The following SGCD variants were observed in gnomAD, a reference collection of about 807,000 sequenced individuals.
SGCD encodes delta-sarcoglycan.
SGCD carries 18 observed loss-of-function variants against 36.6 expected under a neutral mutation model. That is an observed-to-expected ratio of 0.49 (90% CI 0.34 to 0.73). The LOEUF (loss-of-function observed/expected upper bound fraction) is 0.73, where lower values mean the gene tolerates loss of function less well. Ranked by LOEUF, SGCD falls within the 30% of genes least tolerant of loss-of-function variation. SGCD has a pLI of 0.01. For missense variants in SGCD, 387 were observed against 346.7 expected (o/e 1.12, Z -0.92); for synonymous variants, 133 against 130.6 (o/e 1.02, Z -0.12).
chr5:156,228,704 T>C (rs1764920018), intron 3 of SGCD, among the ~76,000 whole-genome samples: 1 of 152,110 alleles, frequency 6.6e-6, no homozygotes, highest in South Asian at 2.1e-4. Flanking sequence ...TATACCGTGG[T>C]TTTTTGTTTT....
At chr5:156,142,460 C>T (rs1176762323) in intron 3 of SGCD, among the ~76,000 whole-genome samples, 1 of 152,058 alleles carries the variant, frequency 6.6e-6, no homozygotes, top group African/African-American at 2.4e-5. Context: ...ATTTGGAGGG[C>T]TCAGAAAAAG....
chr5:155,947,047 G>C (rs567841854), intron 1 of SGCD, among the ~76,000 whole-genome samples: 39 of 152,266 alleles, frequency 2.6e-4, no homozygotes, highest in African/African-American at 8.7e-4. Context: ...TTCCTATTCT[G>C]CCAGCAAACT....
the SGCD span, among the ~76,000 whole-genome samples, chr5:155,854,020 AT>A: frequency 6.6e-6 from 1 of 152,156 alleles, no homozygotes; most frequent in Non-Finnish European, 1.5e-5. Flanking sequence ...TAGGAAGAGT[AT>A]TTTTTTAACA....
chr5:155,987,416 C>T (rs1260457122), intron 1 of SGCD, among the ~76,000 whole-genome samples: 1 of 152,128 alleles, frequency 6.6e-6, no homozygotes, highest in Non-Finnish European at 1.5e-5. Context: ...TCTCATTATC[C>T]TCTGGCTGGT....
At chr5:155,825,740 TTGTTG>T in the SGCD span, among the ~76,000 whole-genome samples, 2 of 122,894 alleles carry the variant, frequency 1.6e-5, no homozygotes, top group African/African-American at 5.9e-5. Flanking sequence ...TTTTTTTTTT[TTGTTG>T]TTGTTGTTGT....
chr5:156,699,377 C>T (rs912037991), intron 7 of SGCD, among the ~76,000 whole-genome samples: 1 of 152,162 alleles, frequency 6.6e-6, no homozygotes, highest in East Asian at 1.9e-4. Flanking sequence ...TACTACTTAA[C>T]AACACAAAAT....
chr5:156,441,172 A>G (rs1041538186), intron 3 of SGCD, among the ~76,000 whole-genome samples: 4 of 152,100 alleles, frequency 2.6e-5, no homozygotes, highest in African/African-American at 9.7e-5. Context: ...TAGTTGATAC[A>G]TTATCACCGT....
chr5:156,074,295 G>T (rs10476277), intron 1 of SGCD, among the ~76,000 whole-genome samples: 2,804 of 152,176 alleles, frequency 0.018, 78 homozygotes, highest in African/African-American at 0.063. Flanking sequence ...TCATCTTGGG[G>T]TCAGATTGAA....
chr5:156,582,819 G>A (rs576637624), intron 4 of SGCD, among the ~76,000 whole-genome samples: 6 of 151,848 alleles, frequency 4.0e-5, no homozygotes, highest in South Asian at 2.1e-4. Context: ...GCATGTGCAC[G>A]CGCACACACA....
intron 7 of SGCD, among the ~76,000 whole-genome samples, chr5:156,652,370 TCCCAG>T (rs1763494595): frequency 6.6e-6 from 1 of 151,986 alleles, no homozygotes; most frequent in African/African-American, 2.4e-5. Flanking sequence ...ATGTCTACAG[TCCCAG>T]CTGCTTGGGA....
the SGCD span, among the ~76,000 whole-genome samples, chr5:155,730,174 C>A: frequency 6.6e-6 from 1 of 152,088 alleles, no homozygotes; most frequent in Non-Finnish European, 1.5e-5. Context: ...GGAGAGGGCG[C>A]GGTTGAGCTT....
intron 3 of SGCD, among the ~76,000 whole-genome samples, chr5:156,319,521 A>C (rs942291207): frequency 6.6e-6 from 1 of 152,232 alleles, no homozygotes; most frequent in Non-Finnish European, 1.5e-5. Context: ...CTCATTGCTT[A>C]AGAAGAAGTA....
chr5:156,151,820 TTTC>T (rs1172568721), intron 3 of SGCD, among the ~76,000 whole-genome samples: 1 of 105,020 alleles, frequency 9.5e-6, no homozygotes, highest in Non-Finnish European at 1.8e-5. Flanking sequence ...GTTTACATCA[TTTC>T]TTCTTCTTCT....
At chr5:156,162,047 G>C (rs1002807730) in intron 3 of SGCD, among the ~76,000 whole-genome samples, 2 of 144,276 alleles carry the variant, frequency 1.4e-5, no homozygotes, top group Non-Finnish European at 3.0e-5. Flanking sequence ...CCTTACCCTA[G>C]ATTCTCTAGG....
chr5:156,229,271 TAC>T (rs1244781669), intron 3 of SGCD, among the ~76,000 whole-genome samples: 1 of 78,130 alleles, frequency 1.3e-5, no homozygotes, highest in South Asian at 4.0e-4. Context: ...CATATATATA[TAC>T]ATACATATAT....
intron 3 of SGCD, among the ~76,000 whole-genome samples, chr5:156,506,132 A>G (rs1756683204): frequency 6.6e-6 from 1 of 152,194 alleles, no homozygotes; most frequent in South Asian, 2.1e-4. Context: ...ATTTTTATTA[A>G]CCATAATGTT....
chr5:156,729,209 G>C (rs1163392059), intron 7 of SGCD, among the ~76,000 whole-genome samples: 1 of 152,182 alleles, frequency 6.6e-6, no homozygotes, highest in Admixed American at 6.5e-5. Flanking sequence ...TTTCTGAGGA[G>C]CTTTTACTTG....
At chr5:156,348,726 G>A (rs1046069234) in intron 3 of SGCD, among the ~76,000 whole-genome samples, 37 of 151,872 alleles carry the variant, frequency 2.4e-4, no homozygotes, top group Non-Finnish European at 8.8e-5. Context: ...TATCAATGTC[G>A]TTTTTCACAG....
intron 3 of SGCD, among the ~76,000 whole-genome samples, chr5:156,218,429 A>G (rs1021670166): frequency 1.3e-5 from 2 of 152,150 alleles, no homozygotes; most frequent in African/African-American, 4.8e-5. Flanking sequence ...GCATCTAGTT[A>G]TTTCATAAGA....
Sources: allele counts gnomAD v4.1 joint callset (sites outside exome capture counted in the v4.1 genomes callset), GRCh38; gene constraint gnomAD v4.1.1; transcripts MANE v1.5; gene names NCBI Gene and HGNC (gene_info 2026-07-23, HGNC 2026-07-21).